PALLD: variants seen among roughly 807,000 people sequenced by gnomAD.
PALLD encodes palladin, cytoskeletal associated protein, also known as palladin.
PALLD carries 61 observed loss-of-function variants against 123.5 expected under a neutral mutation model. That is an observed-to-expected ratio of 0.49 (90% CI 0.40 to 0.61). The LOEUF (loss-of-function observed/expected upper bound fraction) is 0.61. Ranked by LOEUF, PALLD falls within the 20% of genes least tolerant of loss-of-function variation. The pLI, the probability that PALLD is intolerant of heterozygous loss-of-function variation, is 0.00. For synonymous variants in PALLD, 465 were observed against 496.4 expected, an observed-to-expected ratio of 0.94 and a Z score of 0.84; for missense variants, 1,273 against 1,377.0, an observed-to-expected ratio of 0.92 and a Z score of 1.20.
intron 8 of PALLD, among the ~76,000 whole-genome samples, chr4:168,693,106 G>A (rs931436293): frequency 9.4e-5 from 14 of 148,164 alleles, no homozygotes; most frequent in African/African-American, 2.6e-4. Flanking sequence ...TCTCCCCCGC[G>A]CCCTGCATCT....
At chr4:168,605,081 G>C (rs1384133807) in intron 2 of PALLD, among the ~76,000 whole-genome samples, 1 of 152,140 alleles carries the variant, frequency 6.6e-6, no homozygotes, top group Non-Finnish European at 1.5e-5. Context: ...CTGGTGCAGA[G>C]TGTGATCAAG....
chr4:168,886,890 G>A (rs1277341167), intron 10 of PALLD, among the ~76,000 whole-genome samples: 7 of 151,636 alleles, frequency 4.6e-5, no homozygotes, highest in Admixed American at 3.3e-4. Context: ...AGGCCGAGGC[G>A]GGCGGATCAC....
chr4:168,744,223 T>C (rs1043042916), intron 10 of PALLD, among the ~76,000 whole-genome samples: 26 of 152,200 alleles, frequency 1.7e-4, no homozygotes, highest in African/African-American at 6.0e-4. Context: ...GTGAGAATCG[T>C]GCGTGTCCAG....
intron 10 of PALLD, among the ~76,000 whole-genome samples, chr4:168,749,176 G>C (rs1175325089): frequency 6.6e-6 from 1 of 152,066 alleles, no homozygotes; most frequent in Non-Finnish European, 1.5e-5. Flanking sequence ...CTCACCATGT[G>C]ACCTGCCTGC....
At chr4:168,761,649 T>TTTTTTG (rs1561493780) in intron 10 of PALLD, among the ~76,000 whole-genome samples, 44 of 34,968 alleles carry the variant, frequency 1.3e-3, no homozygotes, top group Non-Finnish European at 2.3e-3. Flanking sequence ...TTGTTTGTTT[T>TTTTTTG]TTTTTTTTTT....
intron 10 of PALLD, among the ~76,000 whole-genome samples, chr4:168,747,065 A>G (rs1193410182): frequency 1.3e-5 from 2 of 152,224 alleles, no homozygotes; most frequent in Admixed American, 6.5e-5. Flanking sequence ...CCTGTTTCTT[A>G]TTAAGTTGGA....
At chr4:168,878,853 C>G (rs1207846351) in intron 10 of PALLD, among the ~76,000 whole-genome samples, 2 of 152,096 alleles carry the variant, frequency 1.3e-5, no homozygotes, top group Admixed American at 6.6e-5. Context: ...AACCGAGACA[C>G]GAATCCATGC....
intron 2 of PALLD, among the ~76,000 whole-genome samples, chr4:168,613,986 G>A (rs1773981167): frequency 6.6e-6 from 1 of 152,118 alleles, no homozygotes; most frequent in South Asian, 2.1e-4. Flanking sequence ...TTGTAGCTGG[G>A]AATTCATTTA....
At chr4:168,709,249 C>T in intron 9 of PALLD, 102 bp downstream of exon 9, 1 of 1,219,500 alleles carries the variant, frequency 8.2e-7, no homozygotes, top group Non-Finnish European at 1.2e-6. Context: ...GTGGCTCACA[C>T]CTGTAATCCC....
At chr4:168,873,516 C>T (rs1751352935) in intron 10 of PALLD, among the ~76,000 whole-genome samples, 1 of 152,206 alleles carries the variant, frequency 6.6e-6, no homozygotes, top group Non-Finnish European at 1.5e-5. Flanking sequence ...CCAGATATTG[C>T]TCCAGAGAGA....
At chr4:168,762,795 A>G (rs1402464069) in intron 10 of PALLD, among the ~76,000 whole-genome samples, 1 of 152,250 alleles carries the variant, frequency 6.6e-6, no homozygotes, top group Non-Finnish European at 1.5e-5. Flanking sequence ...TCAATGATAG[A>G]CTACATAAAG....
chr4:168,771,079 A>AAC, intron 10 of PALLD, among the ~76,000 whole-genome samples: 1 of 60,906 alleles, frequency 1.6e-5, no homozygotes, highest in Middle Eastern at 7.4e-3. Context: ...AAAAAAACAA[A>AAC]AAAAAAACCT....
In PALLD at chr4:168,709,049, T is replaced by G. The variant is rs1045409606; in HGVS notation, c.1523T>G (p.Ile508Ser). The change falls in exon 9 of 22, where the codon ATC becomes AGC. Residue 508 changes from isoleucine to serine, a missense_variant. Around this residue, in one of 2 missense-constraint regions of PALLD, gnomAD observed 944 missense variants for 954.5 expected, o/e 0.99. Coordinates refer to ENST00000505667, the MANE Select transcript of PALLD (RefSeq NM_001166108.2). ...CCAGAGGAGATTTGCACCCTAGTTATCGCTGAGACTTTCCCTGAAGATGCA... is the reference window on the plus strand; with the variant it reads ...CCAGAGGAGATTTGCACCCTAGTTAGCGCTGAGACTTTCCCTGAAGATGCA... ...AEPEEICTLV[I>S]AETFPEDAGI... The G allele has an allele frequency of 1.2e-6, 2 of 1,613,424 alleles. No individual in the cohort carries two copies. Among genetic ancestry groups the G allele is most frequent in the African/African-American group, 1.3e-5 (1 of 75,042 alleles).
intron 2 of PALLD, among the ~76,000 whole-genome samples, chr4:168,554,974 T>C (rs1164268865): frequency 6.6e-6 from 1 of 152,222 alleles, no homozygotes; most frequent in Non-Finnish European, 1.5e-5. Flanking sequence ...GAAACAATGT[T>C]TGCCTTCGTA....
chr4:168,732,794 A>G (rs1787311664), intron 10 of PALLD, among the ~76,000 whole-genome samples: 1 of 152,226 alleles, frequency 6.6e-6, no homozygotes, highest in Non-Finnish European at 1.5e-5. Context: ...AGATTTTTAT[A>G]CAATCCGATA....
At chr4:168,617,420 G>T in intron 2 of PALLD, among the ~76,000 whole-genome samples, 1 of 152,320 alleles carries the variant, frequency 6.6e-6, no homozygotes, top group Non-Finnish European at 1.5e-5. Flanking sequence ...GCAGTCCATT[G>T]TGGGGGATGA....
intron 2 of PALLD, among the ~76,000 whole-genome samples, chr4:168,522,670 A>G (rs1379257823): frequency 6.6e-6 from 1 of 152,246 alleles, no homozygotes; most frequent in Non-Finnish European, 1.5e-5. Flanking sequence ...ACTGTAGCAA[A>G]TACAATTTTA....
chr4:168,891,874 T>TG (rs1267576835), intron 11 of PALLD, among the ~76,000 whole-genome samples: 1 of 152,118 alleles, frequency 6.6e-6, no homozygotes, highest in Non-Finnish European at 1.5e-5. Flanking sequence ...GAGAAACCAT[T>TG]GGGGAAGTTC....
chr4:168,736,948 A>AT (rs1787820154), intron 10 of PALLD, among the ~76,000 whole-genome samples: 1 of 152,200 alleles, frequency 6.6e-6, no homozygotes, highest in Non-Finnish European at 1.5e-5. Flanking sequence ...AGGAAACGAG[A>AT]AGCTTAACGT....
Sources: gnomAD v4.1 joint callset for allele counts (sites outside exome capture counted in the v4.1 genomes callset) on GRCh38, gnomAD v4.1.1 for gene constraint, gnomAD v4.1.1 regional missense constraint, MANE v1.5 for transcripts, NCBI Gene and HGNC (gene_info 2026-07-23, HGNC 2026-07-21) for gene names.